Variants in DCAF13 observed in about 807,000 individuals in gnomAD.
The protein encoded by DCAF13 is DDB1 and CUL4 associated factor 13, also known as DDB1- and CUL4-associated factor 13.
In DCAF13, 38 loss-of-function variants were observed where a neutral mutation model predicts 59.0. That is an observed-to-expected ratio of 0.64 (90% CI 0.50 to 0.84). The LOEUF (loss-of-function observed/expected upper bound fraction) is 0.84. Ranked by LOEUF, DCAF13 falls within the 40% of genes least tolerant of loss-of-function variation. The pLI, the probability that DCAF13 is intolerant of heterozygous loss-of-function variation, is 0.00. For synonymous variants in DCAF13, 173 were observed against 175.0 expected (o/e 0.99, Z 0.09); for missense variants, 469 against 558.4 (o/e 0.84, Z 1.61).
At chr8:103,433,971 G>T (rs1368564257) in intron 7 of DCAF13, among the ~76,000 whole-genome samples, 1 of 151,948 alleles carries the variant, frequency 6.6e-6, no homozygotes, top group South Asian at 2.1e-4. Context: ...TTTTAGCAAG[G>T]TACCGTTTTT....
intron 3 of DCAF13, among the ~76,000 whole-genome samples, chr8:103,423,341 C>G (rs1816747620): frequency 6.6e-6 from 1 of 151,390 alleles, no homozygotes; most frequent in Admixed American, 6.6e-5. Flanking sequence ...AAAAAAAGTA[C>G]ACACACACAC....
At chr8:103,435,144 T>C (rs1304106556) in intron 7 of DCAF13, among the ~76,000 whole-genome samples, 1 of 152,138 alleles carries the variant, frequency 6.6e-6, no homozygotes, top group Non-Finnish European at 1.5e-5. Flanking sequence ...TTTGAACTTA[T>C]ATATACAGCC....
At chr8:103,426,269 A>G (rs17804088) in intron 4 of DCAF13, 124 bp downstream of exon 4, 121,287 of 562,144 alleles carry the variant, frequency 0.22, 14,766 homozygotes, top group Middle Eastern at 0.31. Context: ...TTTAGGCTGT[A>G]ATTGTTGACC....
intron 5 of DCAF13, chr8:103,427,804 A>G (rs924384991): frequency 2.6e-5 from 4 of 153,282 alleles, no homozygotes; most frequent in African/African-American, 9.6e-5. Context: ...AGAGTTGGAG[A>G]TTGGCCACTA....
chr8:103,421,129 GA>G lies in DCAF13; in HGVS notation c.378+49del, dbSNP rs756718921. 2.2e-5 allele frequency: 27 copies of G among 1,238,688 alleles called. 1 individual carries two copies. Among genetic ancestry groups the G allele is most frequent in the Non-Finnish European group, 3.0e-5 (25 of 841,838 alleles). The allele number at this position is 1,238,688 out of a possible 1,614,324, so 76.7% of individuals were successfully genotyped here. On this transcript the variant is annotated intron_variant, in intron 3 of 10. Transcript: ENST00000612750. ...CATTAAATTTGATCAACATAGGTAA[GA>G]ATAATCTAATTGAATACATTTTTTT...
In DCAF13 at chr8:103,440,274, AAG is replaced by A. The variant is rs1381718716; in HGVS notation, c.1086+7_1086+8del. 4.5e-6 allele frequency: 7 copies of A among 1,567,656 alleles called. No individual in the cohort carries two copies. The highest frequency in any genetic ancestry group is 1.2e-5 in the South Asian group (1 of 83,118). On this transcript the variant is annotated splice_donor_5th_base_variant and intron_variant, in intron 9 of 10. Transcript: ENST00000612750. The stretch of plus-strand genomic sequence containing the variant: ...ATGCTTCTGAAAAATTGGGTGTGGT[AAG>A]AGAATTCATTTTCTTTCATTGTCAT...
intron 8 of DCAF13, chr8:103,439,604 G>A (rs1816980663): frequency 6.6e-6 from 1 of 152,018 alleles, no homozygotes; most frequent in Admixed American, 6.6e-5. Context: ...GGGCAGGCTG[G>A]TCTAATTAAT....
intron 1 of DCAF13, among the ~76,000 whole-genome samples, chr8:103,416,080 A>G (rs75968104): frequency 3.5e-4 from 53 of 152,346 alleles, no homozygotes; most frequent in Non-Finnish European, 6.8e-4. Flanking sequence ...GTACTTTGTG[A>G]TACCTAAATG....
In DCAF13 at chr8:103,441,522, C is replaced by T. The variant is rs1437910394; in HGVS notation, c.1154C>T (p.Pro385Leu). Residue 385 changes from proline to leucine, a missense_variant, in exon 10 of 11, where the codon CCT (proline) becomes CTT (leucine). Coordinates refer to ENST00000612750, the MANE Select transcript of DCAF13 (RefSeq NM_015420.7). ...TTGAAGGAGAAATTTCAGCATTATC[C>T]TCATATAAAACGTATAGCTCGTCAT... is the stretch of plus-strand genomic sequence containing the variant. Reference protein sequence around the residue: ...QKLKEKFQHYPHIKRIARHRH... With the variant: ...QKLKEKFQHYLHIKRIARHRH... 6.2e-7 allele frequency: 1 copy of T among 1,606,780 alleles called. No individual in the cohort carries two copies. Among genetic ancestry groups the T allele is most frequent in the Non-Finnish European group, 8.5e-7 (1 of 1,178,312 alleles).
intron 3 of DCAF13, 147 bp downstream of exon 3, chr8:103,421,229 T>C: frequency 2.9e-6 from 2 of 695,458 alleles, no homozygotes; most frequent in South Asian, 1.6e-5. Context: ...CCTTGAAAAT[T>C]ACTAGTTTTC....
At chr8:103,435,106 A>G (rs1360129206) in intron 7 of DCAF13, among the ~76,000 whole-genome samples, 1 of 152,164 alleles carries the variant, frequency 6.6e-6, no homozygotes, top group Non-Finnish European at 1.5e-5. Context: ...AAATGTTGGA[A>G]ACTATTAAAA....
At chr8:103,427,913 C>A (rs1352885779) in intron 5 of DCAF13, 1 of 152,210 alleles carries the variant, frequency 6.6e-6, no homozygotes, top group African/African-American at 2.4e-5. Flanking sequence ...TTTCTTAATG[C>A]ATAACAATAG....
At chr8:103,421,409 C>T in intron 3 of DCAF13, 1 of 377,822 alleles carries the variant, frequency 2.6e-6, no homozygotes, top group South Asian at 2.3e-5. Flanking sequence ...AATAAGGAAT[C>T]ATCGAAGTTT....
chr8:103,427,370 G>A, intron 5 of DCAF13, 118 bp downstream of exon 5: 2 of 929,376 alleles, frequency 2.2e-6, no homozygotes, highest in Middle Eastern at 3.1e-4. Context: ...TTGGCATTTT[G>A]TCAGTTTTCC....
At chr8:103,420,845 A>C in intron 2 of DCAF13, 130 bp from the exon 3 acceptor site, 1 of 646,414 alleles carries the variant, frequency 1.5e-6, no homozygotes, top group Non-Finnish European at 2.7e-6. Context: ...TATGCATTGC[A>C]TTGTTTTAAT....
intron 8 of DCAF13, 119 bp from the exon 9 acceptor site, chr8:103,440,017 G>A (rs1220621921): frequency 4.0e-6 from 3 of 758,586 alleles, no homozygotes; most frequent in Non-Finnish European, 5.7e-6. Flanking sequence ...ACAAGAATTT[G>A]AGTTTTTATT....
intron 9 of DCAF13, chr8:103,440,603 G>A (rs1218757205): frequency 6.1e-6 from 1 of 163,020 alleles, no homozygotes; most frequent in Non-Finnish European, 1.3e-5. Flanking sequence ...TCAGAACTTA[G>A]AGCTCGTATC....
Position 103,426,146 on chromosome 8 carries a change from G to C in DCAF13, c.468+1G>C. 1.3e-6 allele frequency: 2 copies of C among 1,589,418 alleles called. No homozygotes were observed. Among genetic ancestry groups the C allele is most frequent in the Non-Finnish European group, 1.7e-6 (2 of 1,161,874 alleles). ...GCCATTACATACAATATTAGGAAAG[G>C]TACAAAAGTAAATTGACTAATAGCT... On this transcript the variant is annotated splice_donor_variant, in intron 4 of 10. Coordinates refer to ENST00000612750, the MANE Select transcript of DCAF13 (RefSeq NM_015420.7). LOFTEE classifies it high-confidence loss of function.
At chr8:103,425,674 C>T (rs751644254) in intron 3 of DCAF13, among the ~76,000 whole-genome samples, 2 of 151,990 alleles carry the variant, frequency 1.3e-5, no homozygotes, top group Admixed American at 1.3e-4. Context: ...TTAAAATTAC[C>T]TGGAATTTTA....
Sources: allele counts gnomAD v4.1 joint callset (sites outside exome capture counted in the v4.1 genomes callset), GRCh38; gene constraint gnomAD v4.1.1; transcripts MANE v1.5; gene names NCBI Gene and HGNC (gene_info 2026-07-23, HGNC 2026-07-21).